The following ZBTB20 variants were observed in gnomAD, a reference collection of about 807,000 sequenced individuals.
The protein encoded by ZBTB20 is zinc finger and BTB domain-containing protein 20.
Under a neutral mutation model 56.9 loss-of-function variants are expected in ZBTB20, and 9 were observed. The observed-to-expected ratio is 0.16, with a 90% CI of 0.10 to 0.28. ZBTB20 has a LOEUF of 0.28. Ranked by LOEUF, ZBTB20 falls within the 10% of genes least tolerant of loss-of-function variation. The probability of loss-of-function intolerance (pLI) is 1.00; values close to 1 mark genes in which losing one functional copy is unlikely to be tolerated. For synonymous variants in ZBTB20, 417 were observed against 420.7 expected, an observed-to-expected ratio of 0.99 and a Z score of 0.11; for missense variants, 655 against 1,003.0, an observed-to-expected ratio of 0.65 and a Z score of 4.69.
At chr3:114,391,799 CT>C (rs138648023) in intron 7 of ZBTB20, among the ~76,000 whole-genome samples, 1,545 of 152,304 alleles carry the variant, frequency 0.01, 19 homozygotes, top group African/African-American at 0.035. Flanking sequence ...ATGAAGGGAA[CT>C]GACTTGCTCA....
At chr3:114,948,368 A>G (rs1273985010) in intron 3 of ZBTB20, among the ~76,000 whole-genome samples, 1 of 146,170 alleles carries the variant, frequency 6.8e-6, no homozygotes, top group Non-Finnish European at 1.5e-5. Context: ...CCAAACCTAG[A>G]ACAAATGTTA....
At chr3:114,813,498 C>A (rs1367884564) in intron 4 of ZBTB20, among the ~76,000 whole-genome samples, 2 of 152,150 alleles carry the variant, frequency 1.3e-5, no homozygotes, top group African/African-American at 4.8e-5. Flanking sequence ...CATCTGTAAT[C>A]CTAGCATTTT....
chr3:114,584,759 C>A (rs541674731), intron 6 of ZBTB20, among the ~76,000 whole-genome samples: 5 of 152,236 alleles, frequency 3.3e-5, no homozygotes, highest in Admixed American at 3.3e-4. Flanking sequence ...CATTTTTACA[C>A]AGAACTTTTG....
intron 4 of ZBTB20, among the ~76,000 whole-genome samples, chr3:114,813,682 C>G (rs369934930): frequency 2.0e-5 from 3 of 152,232 alleles, no homozygotes; most frequent in African/African-American, 4.8e-5. Context: ...GCCTGGGAGG[C>G]GGAGGTTGCA....
chr3:115,022,128 T>C (rs1378388541), intron 2 of ZBTB20, among the ~76,000 whole-genome samples: 2 of 150,560 alleles, frequency 1.3e-5, no homozygotes, highest in Non-Finnish European at 3.0e-5. Flanking sequence ...TTTTGAAAAT[T>C]TAGGATACGT....
At chr3:115,040,795 C>T (rs1362637653) in intron 2 of ZBTB20, among the ~76,000 whole-genome samples, 1 of 152,074 alleles carries the variant, frequency 6.6e-6, no homozygotes, top group Non-Finnish European at 1.5e-5. Context: ...TCTATAAATA[C>T]TAGTTTTTGC....
intron 1 of ZBTB20, among the ~76,000 whole-genome samples, chr3:115,072,685 T>C (rs547224089): frequency 3.3e-5 from 5 of 152,168 alleles, no homozygotes; most frequent in South Asian, 2.1e-4. Flanking sequence ...CACTCATTCA[T>C]AGCAATCTAA....
intron 5 of ZBTB20, among the ~76,000 whole-genome samples, chr3:114,790,656 A>C (rs1005156076): frequency 2.0e-5 from 3 of 151,958 alleles, no homozygotes; most frequent in Non-Finnish European, 2.9e-5. Flanking sequence ...GATGCTCAAC[A>C]AACACTGAAG....
intron 6 of ZBTB20, among the ~76,000 whole-genome samples, chr3:114,541,121 T>C (rs1044520803): frequency 6.6e-6 from 1 of 152,230 alleles, no homozygotes; most frequent in East Asian, 1.9e-4. Context: ...CCAGGTTAAA[T>C]GCCCTTTTGA....
At chr3:114,810,781 T>C (rs569966940) in intron 4 of ZBTB20, among the ~76,000 whole-genome samples, 1 of 152,290 alleles carries the variant, frequency 6.6e-6, no homozygotes, top group African/African-American at 2.4e-5. Flanking sequence ...GGGGCCTAGC[T>C]GCAGGTATCC....
chr3:114,938,819 T>C (rs1408577653), intron 3 of ZBTB20, among the ~76,000 whole-genome samples: 1 of 144,958 alleles, frequency 6.9e-6, no homozygotes, highest in Non-Finnish European at 1.5e-5. Context: ...CTTAAAAGTA[T>C]AATAAAAAAA....
At chr3:114,753,887 G>T (rs1277339679) in intron 5 of ZBTB20, among the ~76,000 whole-genome samples, 3 of 152,034 alleles carry the variant, frequency 2.0e-5, no homozygotes, top group African/African-American at 7.2e-5. Flanking sequence ...ATGTCGAAAA[G>T]AAGGAAAAAG....
intron 6 of ZBTB20, among the ~76,000 whole-genome samples, chr3:114,510,688 A>G (rs2045257103): frequency 6.6e-6 from 1 of 152,106 alleles, no homozygotes. Flanking sequence ...AGGGTGCAAA[A>G]TACTAAGAAA....
chr3:114,469,726 T>G (rs1308312534), intron 7 of ZBTB20, among the ~76,000 whole-genome samples: 1 of 152,190 alleles, frequency 6.6e-6, no homozygotes, highest in Non-Finnish European at 1.5e-5. Flanking sequence ...CAATGGCATT[T>G]AAACTGAAGA....
At chr3:114,592,553 A>G (rs1039684311) in intron 6 of ZBTB20, among the ~76,000 whole-genome samples, 2 of 152,252 alleles carry the variant, frequency 1.3e-5, no homozygotes, top group African/African-American at 4.8e-5. Flanking sequence ...AAGTATCATC[A>G]ACCACAAACT....
chr3:114,847,276 T>C (rs1415175113), intron 4 of ZBTB20, among the ~76,000 whole-genome samples: 1 of 110,812 alleles, frequency 9.0e-6, no homozygotes, highest in Admixed American at 1.2e-4. Context: ...ACCTTTAGAA[T>C]TGGTTCATGA....
At chr3:114,695,889 C>A (rs1038906093) in intron 5 of ZBTB20, among the ~76,000 whole-genome samples, 1 of 151,886 alleles carries the variant, frequency 6.6e-6, no homozygotes, top group African/African-American at 2.4e-5. Context: ...AATATGATAT[C>A]CCAGTTAGAG....
At chr3:114,686,236 G>C (rs936736555) in intron 6 of ZBTB20, among the ~76,000 whole-genome samples, 1 of 152,158 alleles carries the variant, frequency 6.6e-6, no homozygotes, top group African/African-American at 2.4e-5. Context: ...ACTCTGAGTG[G>C]TGAGTATTCA....
chr3:114,835,458 T>C (rs1197705653), intron 4 of ZBTB20, among the ~76,000 whole-genome samples: 3 of 152,316 alleles, frequency 2.0e-5, no homozygotes, highest in African/African-American at 7.2e-5. Context: ...CTGCTGTGAG[T>C]TTGTGGCATT....
Sources: allele counts gnomAD v4.1 joint callset (sites outside exome capture counted in the v4.1 genomes callset), GRCh38; gene constraint gnomAD v4.1.1; transcripts MANE v1.5; gene names NCBI Gene and HGNC (gene_info 2026-07-23, HGNC 2026-07-21).